The following LRPPRC variants were observed in gnomAD, a reference collection of about 807,000 sequenced individuals.
The protein encoded by LRPPRC is leucine rich pentatricopeptide repeat containing.
Under a neutral mutation model 180.3 loss-of-function variants are expected in LRPPRC, and 120 were observed. The ratio of observed to expected loss-of-function variants is 0.67; its 90% CI spans 0.57 to 0.77. LRPPRC has a LOEUF of 0.77. Among genes scored for constraint, LRPPRC ranks in the 30% least tolerant of loss-of-function variants. The pLI is 0.00. For missense variants in LRPPRC, 2,012 were observed against 1,657.2 expected, an observed-to-expected ratio of 1.21 and a Z score of -3.72; for synonymous variants, 723 against 600.0, an observed-to-expected ratio of 1.21 and a Z score of -3.00.
chr2:43,915,490 C>T (rs1347143374), intron 29 of LRPPRC, among the ~76,000 whole-genome samples: 1 of 151,892 alleles, frequency 6.6e-6, no homozygotes, highest in Non-Finnish European at 1.5e-5. Flanking sequence ...TTGAGATCAG[C>T]CTGGCCAATA....
chr2:43,918,855 A>C (rs867924164), intron 27 of LRPPRC, among the ~76,000 whole-genome samples: 36 of 148,590 alleles, frequency 2.4e-4, no homozygotes, highest in African/African-American at 7.9e-4. Context: ...ATAGAGATAT[A>C]TATATAGATA....
chr2:43,983,661 A>G (rs1674407636), intron 1 of LRPPRC, among the ~76,000 whole-genome samples: 1 of 152,186 alleles, frequency 6.6e-6, no homozygotes. Flanking sequence ...TAAGTATAAT[A>G]TAATCACATT....
At chr2:43,982,789 G>A (rs1674369350) in intron 1 of LRPPRC, among the ~76,000 whole-genome samples, 1 of 152,142 alleles carries the variant, frequency 6.6e-6, no homozygotes, top group Non-Finnish European at 1.5e-5. Context: ...AGCAGTTTAT[G>A]CTGCAAAGCT....
In LRPPRC at chr2:43,963,643, G is replaced by C; in HGVS notation, c.1433C>G (p.Thr478Arg). 2 of 1,612,692 alleles carry C rather than the reference G, an allele frequency of 1.2e-6. No individual in the cohort carries two copies. Among genetic ancestry groups the C allele is most frequent in the Non-Finnish European group, 8.5e-7 (1 of 1,178,836 alleles). ...LGVHPDQETY[T>R]DYVIPCFDSV... ...ATCAAAGCATGGAATCACATAATCT[G>C]TATATGTTTCCTGATCAGGATGTAC... is the stretch of plus-strand genomic sequence containing the variant. The change falls in exon 12 of 38, where the codon ACA becomes AGA. Residue 478 changes from threonine (T) to arginine (R), a missense_variant. Transcript: ENST00000260665.
At position 43,957,280 on chromosome 2, in the gene LRPPRC, C is replaced by A. The variant is rs1428059730; in HGVS notation, c.1649+105G>T. On this transcript the variant is annotated intron_variant, in intron 14 of 37. Coordinates refer to ENST00000260665, the MANE Select transcript of LRPPRC (RefSeq NM_133259.4). ...GGTTATTTCAGGTAAACTGAATGTACACTGAAAGATAAGAATATTTGTATT... is the reference window on the plus strand; with the variant it reads ...GGTTATTTCAGGTAAACTGAATGTAAACTGAAAGATAAGAATATTTGTATT... The A allele has an allele frequency of 6.0e-6, 5 of 827,790 alleles. No homozygotes were observed. In the African/African-American group the frequency reaches 8.4e-5, roughly 14 times the overall value. 51.3% of individuals were successfully genotyped at this position (827,790 alleles called of 1,614,324 possible).
intron 25 of LRPPRC, among the ~76,000 whole-genome samples, chr2:43,931,976 T>C (rs1049938784): frequency 4.6e-5 from 7 of 151,854 alleles, no homozygotes; most frequent in African/African-American, 9.7e-5. Context: ...CTACAGAATG[T>C]AGTAATTGCT....
chr2:43,901,170 A>G (rs1214967095), intron 32 of LRPPRC, 150 bp downstream of exon 32: 4 of 656,514 alleles, frequency 6.1e-6, no homozygotes, highest in Non-Finnish European at 1.1e-5. Context: ...TTTTCAACAT[A>G]TAATTATTCC....
chr2:43,995,692 G>C, intron 1 of LRPPRC, 107 bp downstream of exon 1: 1 of 1,096,406 alleles, frequency 9.1e-7, no homozygotes, highest in Middle Eastern at 3.2e-4. Context: ...GTCCTGGGGC[G>C]GGGAGAAGGG....
At chr2:43,975,448 C>T (rs1312878458) in intron 6 of LRPPRC, among the ~76,000 whole-genome samples, 2 of 152,148 alleles carry the variant, frequency 1.3e-5, no homozygotes, top group East Asian at 1.9e-4. Flanking sequence ...CATTAAATAA[C>T]ATACCCTCTT....
chr2:43,994,849 G>T (rs1373021271), intron 1 of LRPPRC, among the ~76,000 whole-genome samples: 2 of 152,108 alleles, frequency 1.3e-5, no homozygotes, highest in Non-Finnish European at 2.9e-5. Context: ...CTCAAACCAT[G>T]AGAGCATTTA....
chr2:43,946,259 G>T lies in LRPPRC; in HGVS notation c.2080-16C>A, dbSNP rs556653376. The T allele has an allele frequency of 1.2e-6, 2 of 1,603,830 alleles. No individual in the cohort carries two copies. The highest frequency in any genetic ancestry group is 1.3e-5 in the African/African-American group (1 of 74,736). Reference sequence around the variant, plus strand: ...TTTGCATATTCTAAAATACAGCATAGATGTGAAAAAGAAGAAATCAGTGTG... The same window carrying T: ...TTTGCATATTCTAAAATACAGCATATATGTGAAAAAGAAGAAATCAGTGTG... On this transcript the variant is annotated splice_polypyrimidine_tract_variant and intron_variant, in intron 20 of 37. Transcript: ENST00000260665.
intron 31 of LRPPRC, among the ~76,000 whole-genome samples, chr2:43,904,095 A>C (rs1460568306): frequency 6.6e-6 from 1 of 151,944 alleles, no homozygotes; most frequent in Non-Finnish European, 1.5e-5. Flanking sequence ...GGTGCACATT[A>C]CCATGCCTGG....
intron 22 of LRPPRC, 56 bp from the exon 23 acceptor site, chr2:43,943,950 T>G: frequency 7.8e-7 from 1 of 1,281,650 alleles, no homozygotes; most frequent in Non-Finnish European, 1.1e-6. Flanking sequence ...GAAAACAAAC[T>G]GCTATTAAAA....
At chr2:43,981,125 C>T (rs980606816) in intron 2 of LRPPRC, among the ~76,000 whole-genome samples, 6 of 151,682 alleles carry the variant, frequency 4.0e-5, no homozygotes, top group East Asian at 3.9e-4. Flanking sequence ...TTTTGGGGGT[C>T]GGGGGCAGGG....
At chr2:43,964,192 AAT>A (rs1237796742) in intron 11 of LRPPRC, among the ~76,000 whole-genome samples, 1 of 152,222 alleles carries the variant, frequency 6.6e-6, no homozygotes, top group Admixed American at 6.5e-5. Flanking sequence ...AGGAAAAATT[AAT>A]AGAGAACAAT....
chr2:43,910,606 T>C (rs938293960), intron 30 of LRPPRC, among the ~76,000 whole-genome samples: 1 of 152,324 alleles, frequency 6.6e-6, no homozygotes. Context: ...TATAGTTACA[T>C]GTGATACATC....
rs1673966274 is a variant in LRPPRC, at chr2:43,974,612, A to G, written c.1009+2T>C. The G allele has an allele frequency of 6.4e-7, 1 of 1,563,532 alleles. No homozygotes were observed. The highest frequency in any genetic ancestry group is 8.8e-7 in the Non-Finnish European group (1 of 1,135,672). On this transcript the variant is annotated splice_donor_variant, in intron 8 of 37. Transcript: ENST00000260665. LOFTEE classifies it high-confidence loss of function. Reference sequence around the variant, plus strand: ...CATGTAAATAGATTTTTTTAAAACTACCTGGAATATATCTTCTTTCACATG... The same window carrying G: ...CATGTAAATAGATTTTTTTAAAACTGCCTGGAATATATCTTCTTTCACATG...
intron 22 of LRPPRC, among the ~76,000 whole-genome samples, chr2:43,944,633 T>G (rs559261191): frequency 1.1e-4 from 17 of 152,132 alleles, no homozygotes; most frequent in African/African-American, 3.9e-4. Context: ...ATAATAAAAT[T>G]AAAACAATCT....
chr2:43,991,520 C>G (rs1450337447), intron 1 of LRPPRC, among the ~76,000 whole-genome samples: 1 of 152,158 alleles, frequency 6.6e-6, no homozygotes, highest in Admixed American at 6.5e-5. Flanking sequence ...TATCTTTCCT[C>G]TGAAGTATAC....
Sources: gnomAD v4.1 joint callset for allele counts (sites outside exome capture counted in the v4.1 genomes callset) on GRCh38, gnomAD v4.1.1 for gene constraint, MANE v1.5 for transcripts, NCBI Gene and HGNC (gene_info 2026-07-23, HGNC 2026-07-21) for gene names.